MAGI1: variants seen among roughly 807,000 people sequenced by gnomAD.
MAGI1 encodes the protein membrane-associated guanylate kinase, WW and PDZ domain-containing protein 1.
Under a neutral mutation model 139.9 loss-of-function variants are expected in MAGI1, and 58 were observed. That is an observed-to-expected ratio of 0.41 (90% confidence interval 0.34 to 0.52). The LOEUF (loss-of-function observed/expected upper bound fraction) is 0.52, where lower values mean the gene tolerates loss of function less well. MAGI1 is among the 20% of genes least tolerant of loss of function. The pLI is 0.12. For missense variants in MAGI1, 1,874 were observed against 1,901.6 expected, an observed-to-expected ratio of 0.99 and a Z score of 0.27; for synonymous variants, 812 against 737.9, an observed-to-expected ratio of 1.10 and a Z score of -1.63.
At position 65,357,011 on chromosome 3, in the gene MAGI1, T is replaced by C. The variant is rs985773844; in HGVS notation, c.3756A>G (p.Lys1252=). ...CCCGCTTTTCCCCATGTGGTGATGA[T>C]TTGTGAAGATCGGGTGGGTAACTGG... ...LESSYPPDLH[K]SSPHGEKRAH... is the part of the protein sequence containing the mutation. Residue 1252 remains lysine, a synonymous_variant, in exon 23 of 23, where the codon AAA becomes AAG. Transcript: ENST00000402939. The C allele has an allele frequency of 1.2e-6, 2 of 1,614,172 alleles. No individual in the cohort carries two copies. Among genetic ancestry groups the C allele is most frequent in the Non-Finnish European group, 8.5e-7 (1 of 1,180,018 alleles).
intron 22 of MAGI1, among the ~76,000 whole-genome samples, 159 bp from the exon 23 acceptor site, chr3:65,357,291 C>T (rs1199714741): frequency 1.3e-5 from 2 of 152,194 alleles, no homozygotes; most frequent in African/African-American, 4.8e-5. Flanking sequence ...TTAAGGATAA[C>T]TGCACGTAGT....
At chr3:65,526,057 T>C (rs952347040) in intron 2 of MAGI1, among the ~76,000 whole-genome samples, 31 of 152,198 alleles carry the variant, frequency 2.0e-4, no homozygotes, top group Non-Finnish European at 3.5e-4. Flanking sequence ...AGTTTTTAAA[T>C]AACTCATGGT....
intron 8 of MAGI1, 47 bp from the exon 9 acceptor site, chr3:65,440,059 C>A: frequency 6.2e-7 from 1 of 1,605,558 alleles, no homozygotes; most frequent in South Asian, 1.1e-5. Flanking sequence ...GTTCATCCCA[C>A]CAGCAAAATG....
At chr3:65,636,727 C>CACACAT (rs1487576285) in intron 1 of MAGI1, among the ~76,000 whole-genome samples, 10 of 147,210 alleles carry the variant, frequency 6.8e-5, no homozygotes, top group African/African-American at 2.3e-4. Context: ...CACACACATA[C>CACACAT]ACACACACAC....
chr3:66,026,345 T>G (rs139254320), intron 1 of MAGI1, among the ~76,000 whole-genome samples: 303 of 152,270 alleles, frequency 2.0e-3, no homozygotes, highest in African/African-American at 6.4e-3. Context: ...CTACAACAAC[T>G]GGCAGACAAC....
intron 13 of MAGI1, 39 bp downstream of exon 13, chr3:65,401,400 C>A: frequency 6.3e-7 from 1 of 1,589,138 alleles, no homozygotes; most frequent in East Asian, 2.3e-5. Context: ...ACCATCCACC[C>A]CAGCCCCAAC....
At chr3:65,715,294 G>T (rs2032095759) in intron 1 of MAGI1, among the ~76,000 whole-genome samples, 1 of 152,138 alleles carries the variant, frequency 6.6e-6, no homozygotes, top group Non-Finnish European at 1.5e-5. Flanking sequence ...GTTTTTGCAG[G>T]TCATAAACAT....
chr3:65,974,974 T>C (rs190687468), intron 1 of MAGI1, among the ~76,000 whole-genome samples: 1 of 152,222 alleles, frequency 6.6e-6, no homozygotes, highest in African/African-American at 2.4e-5. Context: ...ATCTTCTAAA[T>C]TGCAAAGCCA....
At chr3:65,983,329 G>A (rs939305058) in intron 1 of MAGI1, among the ~76,000 whole-genome samples, 8 of 152,148 alleles carry the variant, frequency 5.3e-5, no homozygotes, top group Non-Finnish European at 1.2e-4. Flanking sequence ...GCTCTCCTTT[G>A]AAGCTGGGGA....
chr3:65,396,236 C>T (rs565637258), intron 13 of MAGI1, among the ~76,000 whole-genome samples: 145 of 152,236 alleles, frequency 9.5e-4, no homozygotes, highest in Admixed American at 3.0e-3. Flanking sequence ...ATTTCCAATG[C>T]TAATTGTTGT....
chr3:65,375,622 C>T, intron 18 of MAGI1, 123 bp downstream of exon 18: 1 of 825,518 alleles, frequency 1.2e-6, no homozygotes, highest in Non-Finnish European at 1.9e-6. Context: ...ATAAAGCTGC[C>T]ACTAAATTAA....
intron 1 of MAGI1, among the ~76,000 whole-genome samples, chr3:65,662,459 T>C (rs942887397): frequency 3.3e-5 from 5 of 152,250 alleles, no homozygotes; most frequent in African/African-American, 1.2e-4. Flanking sequence ...TGCAACCAAA[T>C]GGCCATGGCC....
At chr3:65,395,018 C>T (rs1395948347) in intron 13 of MAGI1, among the ~76,000 whole-genome samples, 1 of 152,108 alleles carries the variant, frequency 6.6e-6, no homozygotes. Context: ...ATACTAAGAA[C>T]ATGGAAAAAT....
chr3:65,745,713 G>A (rs2035645948), intron 1 of MAGI1, among the ~76,000 whole-genome samples: 1 of 151,850 alleles, frequency 6.6e-6, no homozygotes, highest in Admixed American at 6.6e-5. Context: ...CCTACGGCAA[G>A]TGGATATTGA....
At chr3:65,749,375 C>T (rs1252362944) in intron 1 of MAGI1, among the ~76,000 whole-genome samples, 4 of 152,034 alleles carry the variant, frequency 2.6e-5, no homozygotes, top group African/African-American at 9.7e-5. Flanking sequence ...TCTGTGGCAA[C>T]CTGGATGAGA....
chr3:65,562,728 G>A (rs1288570304), intron 2 of MAGI1, among the ~76,000 whole-genome samples: 1 of 152,132 alleles, frequency 6.6e-6, no homozygotes, highest in Non-Finnish European at 1.5e-5. Flanking sequence ...AAGAACTTGT[G>A]GGACATCTCA....
intron 1 of MAGI1, among the ~76,000 whole-genome samples, chr3:65,786,194 G>A (rs969307245): frequency 1.3e-5 from 2 of 149,462 alleles, no homozygotes; most frequent in South Asian, 4.2e-4. Flanking sequence ...AACCTCAGGT[G>A]ATCTGGCCAC....
At chr3:66,001,185 G>T (rs924910684) in intron 1 of MAGI1, among the ~76,000 whole-genome samples, 1 of 152,270 alleles carries the variant, frequency 6.6e-6, no homozygotes, top group Non-Finnish European at 1.5e-5. Context: ...TGGTATTTGA[G>T]CTCAGTCTTG....
chr3:65,881,938 T>C (rs1349322850), intron 1 of MAGI1, among the ~76,000 whole-genome samples: 1 of 152,208 alleles, frequency 6.6e-6, no homozygotes, highest in Non-Finnish European at 1.5e-5. Context: ...CCAAGGCCTG[T>C]CAAGAGGAGA....
Sources: gnomAD v4.1 joint callset for allele counts (sites outside exome capture counted in the v4.1 genomes callset) on GRCh38, gnomAD v4.1.1 for gene constraint, MANE v1.5 for transcripts, NCBI Gene and HGNC (gene_info 2026-07-23, HGNC 2026-07-21) for gene names.